Variants in DLC1 observed in about 807,000 individuals in gnomAD.
The protein encoded by DLC1 is rho GTPase-activating protein 7.
DLC1 carries 54 observed loss-of-function variants against 140.3 expected under a neutral mutation model. The ratio of observed to expected loss-of-function variants is 0.38; its 90% CI spans 0.31 to 0.48. The LOEUF is 0.48. DLC1 is among the 20% of genes least tolerant of loss of function. The pLI is 0.96. For missense variants in DLC1, 2,536 were observed against 1,907.0 expected, an observed-to-expected ratio of 1.33 and a Z score of -6.14; for synonymous variants, 986 against 728.1, an observed-to-expected ratio of 1.35 and a Z score of -5.70.
intron 5 of DLC1, among the ~76,000 whole-genome samples, chr8:13,128,056 CA>C (rs1563652566): frequency 1.3e-5 from 2 of 151,470 alleles, no homozygotes. Context: ...AAAAAAACCC[CA>C]AAAAAACAAC....
intron 4 of DLC1, among the ~76,000 whole-genome samples, chr8:13,356,454 A>T (rs1834947003): frequency 6.6e-6 from 1 of 152,198 alleles, no homozygotes; most frequent in Non-Finnish European, 1.5e-5. Context: ...TGTATTTTTT[A>T]CCATACGAAA....
intron 1 of DLC1, among the ~76,000 whole-genome samples, chr8:13,587,691 A>T (rs969371562): frequency 6.6e-6 from 1 of 150,772 alleles, no homozygotes; most frequent in Non-Finnish European, 1.5e-5. Context: ...TCTTTAATCC[A>T]TAAGTTCTGT....
intron 1 of DLC1, among the ~76,000 whole-genome samples, chr8:13,526,906 G>C (rs371978295): frequency 6.6e-6 from 1 of 152,088 alleles, no homozygotes; most frequent in East Asian, 1.9e-4. Flanking sequence ...ATGTACCTTA[G>C]AACTTAAAGT....
intron 4 of DLC1, among the ~76,000 whole-genome samples, chr8:13,315,574 G>A (rs978758342): frequency 6.6e-6 from 1 of 152,172 alleles, no homozygotes; most frequent in Non-Finnish European, 1.5e-5. Context: ...AATTGCCTGC[G>A]TTTGATAACA....
chr8:13,094,309 G>A (rs374257068), intron 12 of DLC1, among the ~76,000 whole-genome samples: 4 of 152,260 alleles, frequency 2.6e-5, no homozygotes, highest in South Asian at 2.1e-4. Flanking sequence ...CAAACAAGGC[G>A]GCAAGGAAGA....
chr8:13,244,005 C>G lies in DLC1; in HGVS notation c.1348+61264G>C, dbSNP rs959860734. On this transcript the variant is annotated intron_variant, in intron 5 of 17. Transcript: ENST00000276297. ...CCTGCTTCTCTTAGGAAATTCCTCACCTGGGGGAACCACCATTCCTTCAAG... is the reference window on the plus strand; with the variant it reads ...CCTGCTTCTCTTAGGAAATTCCTCAGCTGGGGGAACCACCATTCCTTCAAG... 3.9e-5 allele frequency among the ~76,000 whole-genome samples: 6 copies of G among 152,196 alleles called. No homozygotes were observed. In the South Asian group the frequency reaches 1.0e-3, roughly 26 times the overall value.
At chr8:13,106,332 C>T (rs894481659) in intron 7 of DLC1, among the ~76,000 whole-genome samples, 9 of 152,172 alleles carry the variant, frequency 5.9e-5, no homozygotes, top group Non-Finnish European at 2.9e-5. Context: ...TGTGCAATTG[C>T]TTTAAAAAAT....
At chr8:13,197,317 C>T (rs1827121126) in intron 5 of DLC1, among the ~76,000 whole-genome samples, 1 of 152,010 alleles carries the variant, frequency 6.6e-6, no homozygotes, top group Non-Finnish European at 1.5e-5. Context: ...TATTTAAGCC[C>T]TTGATTTATT....
At chr8:13,229,827 C>G in intron 5 of DLC1, among the ~76,000 whole-genome samples, 1 of 152,196 alleles carries the variant, frequency 6.6e-6, no homozygotes, top group South Asian at 2.1e-4. Context: ...AAAGTGTTCA[C>G]TGCGCTCAAA....
At chr8:13,155,305 G>C (rs971737222) in intron 5 of DLC1, among the ~76,000 whole-genome samples, 12 of 151,064 alleles carry the variant, frequency 7.9e-5, no homozygotes, top group African/African-American at 2.9e-4. Context: ...AAATATCCTG[G>C]TGCCTGTAGG....
chr8:13,592,631 T>G (rs140576082), intron 1 of DLC1, among the ~76,000 whole-genome samples: 1 of 152,048 alleles, frequency 6.6e-6, no homozygotes, highest in African/African-American at 2.4e-5. Flanking sequence ...AAGTCTTGGA[T>G]AGCTAATCTG....
At chr8:13,600,937 ATGAG>A (rs1284594352) in intron 1 of DLC1, among the ~76,000 whole-genome samples, 1 of 151,892 alleles carries the variant, frequency 6.6e-6, no homozygotes, top group African/African-American at 2.4e-5. Context: ...TTACCAAATC[ATGAG>A]TATTTTCCCA....
intron 4 of DLC1, among the ~76,000 whole-genome samples, chr8:13,357,373 T>A (rs1273758552): frequency 1.3e-5 from 2 of 152,256 alleles, no homozygotes; most frequent in Non-Finnish European, 2.9e-5. Context: ...CTGTTTTATA[T>A]GTCTTTGGAC....
intron 5 of DLC1, among the ~76,000 whole-genome samples, chr8:13,176,208 T>A (rs1037210264): frequency 6.6e-6 from 1 of 152,160 alleles, no homozygotes; most frequent in African/African-American, 2.4e-5. Flanking sequence ...TCATTTCTTC[T>A]CCATTTCCTC....
chr8:13,372,607 C>T (rs1835776862), intron 4 of DLC1, among the ~76,000 whole-genome samples: 1 of 152,162 alleles, frequency 6.6e-6, no homozygotes, highest in South Asian at 2.1e-4. Context: ...TTATCAGATA[C>T]AGTTCATGAA....
At chr8:13,423,266 A>C (rs758880691) in intron 2 of DLC1, among the ~76,000 whole-genome samples, 3 of 152,168 alleles carry the variant, frequency 2.0e-5, no homozygotes, top group African/African-American at 7.2e-5. Context: ...AATTATATTG[A>C]AAGTGGAAAA....
At chr8:13,360,781 T>C (rs1364514653) in intron 4 of DLC1, among the ~76,000 whole-genome samples, 1 of 152,128 alleles carries the variant, frequency 6.6e-6, no homozygotes, top group Non-Finnish European at 1.5e-5. Flanking sequence ...AAATTCATAA[T>C]CTTACTACCC....
intron 2 of DLC1, among the ~76,000 whole-genome samples, chr8:13,422,867 T>G (rs1331039487): frequency 6.6e-6 from 1 of 151,894 alleles, no homozygotes; most frequent in Non-Finnish European, 1.5e-5. Context: ...AAAAAGATTC[T>G]GATTGGGTGA....
intron 4 of DLC1, among the ~76,000 whole-genome samples, chr8:13,312,045 C>T (rs1013014680): frequency 6.6e-6 from 1 of 152,162 alleles, no homozygotes; most frequent in Admixed American, 6.5e-5. Context: ...AAATTCTAAT[C>T]ATTATTCTAA....
Sources: allele counts gnomAD v4.1 joint callset (sites outside exome capture counted in the v4.1 genomes callset), GRCh38; gene constraint gnomAD v4.1.1; transcripts MANE v1.5; gene names NCBI Gene and HGNC (gene_info 2026-07-23, HGNC 2026-07-21).